PRTG: variants seen among roughly 807,000 people sequenced by gnomAD.
PRTG encodes immunoglobulin superfamily, DCC subclass, member 5.
In PRTG, 67 loss-of-function variants were observed where a neutral mutation model predicts 122.5. The ratio of observed to expected loss-of-function variants is 0.55; its 90% CI spans 0.45 to 0.67. The LOEUF is 0.67. Ranked by LOEUF, PRTG falls within the 30% of genes least tolerant of loss-of-function variation. The pLI is 0.00. For missense variants in PRTG, 1,435 were observed against 1,415.4 expected, an observed-to-expected ratio of 1.01 and a Z score of -0.22; for synonymous variants, 554 against 501.1, an observed-to-expected ratio of 1.11 and a Z score of -1.41.
At chr15:55,705,912 G>C (rs556857107) in intron 2 of PRTG, among the ~76,000 whole-genome samples, 2 of 141,754 alleles carry the variant, frequency 1.4e-5, no homozygotes, top group Non-Finnish European at 3.1e-5. Context: ...CAGTGGCACG[G>C]TCTTGGCTCA....
At chr15:55,648,466 A>G (rs987015292) in intron 11 of PRTG, among the ~76,000 whole-genome samples, 3 of 152,086 alleles carry the variant, frequency 2.0e-5, no homozygotes, top group African/African-American at 4.8e-5. Flanking sequence ...ACACTGAAAC[A>G]TATTTCTAAA....
chr15:55,620,888 T>A (rs1297285685), intron 18 of PRTG, 121 bp from the exon 19 acceptor site: 17 of 868,500 alleles, frequency 2.0e-5, no homozygotes, highest in Admixed American at 6.6e-5. Flanking sequence ...ATTTTTATTT[T>A]ATTTTAGATT....
intron 2 of PRTG, among the ~76,000 whole-genome samples, chr15:55,685,140 T>G (rs2059563173): frequency 6.6e-6 from 1 of 152,150 alleles, no homozygotes; most frequent in Non-Finnish European, 1.5e-5. Flanking sequence ...TGAACTTTAT[T>G]ATTTATAAAT....
chr15:55,727,614 G>A (rs181745876), intron 2 of PRTG, among the ~76,000 whole-genome samples: 1 of 152,200 alleles, frequency 6.6e-6, no homozygotes, highest in Admixed American at 6.5e-5. Flanking sequence ...TAGCTAACAT[G>A]GTGAAACCCC....
intron 6 of PRTG, chr15:55,679,813 T>C (rs1293025780): frequency 2.4e-5 from 12 of 492,326 alleles, no homozygotes; most frequent in African/African-American, 3.9e-5. Context: ...GTGATGGAGA[T>C]AGAAGGGAAG....
At chr15:55,628,363 T>C (rs1026181427) in intron 16 of PRTG, among the ~76,000 whole-genome samples, 2 of 144,576 alleles carry the variant, frequency 1.4e-5, no homozygotes, top group South Asian at 4.7e-4. Flanking sequence ...TTTTTTCCAA[T>C]TGCTTTTCTG....
chr15:55,742,230 T>G (rs1392711251), intron 1 of PRTG: 2 of 152,350 alleles, frequency 1.3e-5, no homozygotes, highest in African/African-American at 4.8e-5. Context: ...CCACTTCACT[T>G]CCAACCCTGC....
At position 55,620,064 on chromosome 15, in the gene PRTG, T is replaced by C. The variant is rs201512301; in HGVS notation, c.3401A>G (p.Asn1134Ser). The C allele has an allele frequency of 4.0e-5, 64 of 1,614,154 alleles. No individual in the cohort carries two copies. The highest frequency in any genetic ancestry group is 1.3e-4 in the Admixed American group (8 of 60,022). Reference sequence around the variant, plus strand: ...AACTGAGGACAGATGTATCTCATCGTTGGACTCATGAGAAAACCGCCCAGA... The same window carrying C: ...AACTGAGGACAGATGTATCTCATCGCTGGACTCATGAGAAAACCGCCCAGA... ...GDSGRFSHES[N>S]DEIHLSSVIS... The change falls in exon 20 of 20, where the codon AAC becomes AGC. Residue 1134 changes from asparagine to serine, a missense_variant. Transcript: ENST00000389286.
intron 11 of PRTG, among the ~76,000 whole-genome samples, chr15:55,669,366 C>G (rs1309898978): frequency 6.6e-6 from 1 of 152,148 alleles, no homozygotes; most frequent in Non-Finnish European, 1.5e-5. Flanking sequence ...CAAGTATTCA[C>G]CATGCAAGAC....
intron 15 of PRTG, 37 bp downstream of exon 15, chr15:55,637,133 G>GT: frequency 7.3e-7 from 1 of 1,369,882 alleles, no homozygotes. Context: ...ATTAATAATC[G>GT]TACTTTTCAC....
At chr15:55,721,476 A>T (rs1165104765) in intron 2 of PRTG, among the ~76,000 whole-genome samples, 1 of 152,170 alleles carries the variant, frequency 6.6e-6, no homozygotes, top group East Asian at 1.9e-4. Flanking sequence ...ATTTCTTTGA[A>T]ATTTATTCTC....
chr15:55,639,573 G>T, intron 13 of PRTG, 69 bp downstream of exon 13: 1 of 1,381,898 alleles, frequency 7.2e-7, no homozygotes, highest in Non-Finnish European at 1.0e-6. Flanking sequence ...AAGATGGTAA[G>T]AGGTAGAAGT....
At chr15:55,739,566 A>C (rs1349918607) in intron 2 of PRTG, among the ~76,000 whole-genome samples, 1 of 152,170 alleles carries the variant, frequency 6.6e-6, no homozygotes, top group Non-Finnish European at 1.5e-5. Context: ...TTAGTCTGTT[A>C]ATCTTGAGAG....
intron 2 of PRTG, among the ~76,000 whole-genome samples, chr15:55,712,172 T>C (rs1243827344): frequency 6.6e-6 from 1 of 152,202 alleles, no homozygotes; most frequent in Non-Finnish European, 1.5e-5. Context: ...TAAGCTCACA[T>C]AGAATCTTTT....
chr15:55,711,217 C>T (rs1286970603), intron 2 of PRTG, among the ~76,000 whole-genome samples: 6 of 151,992 alleles, frequency 3.9e-5, no homozygotes, highest in Non-Finnish European at 7.4e-5. Context: ...CCACTGCGTC[C>T]GGCCTAAAGG....
chr15:55,656,210 G>T (rs950095100), intron 11 of PRTG: 51 of 343,088 alleles, frequency 1.5e-4, no homozygotes, highest in Non-Finnish European at 2.6e-4. Context: ...AAGAATCCAG[G>T]ATTACACGCT....
chr15:55,688,147 G>A (rs1046643793), intron 2 of PRTG, among the ~76,000 whole-genome samples: 3 of 152,178 alleles, frequency 2.0e-5, no homozygotes, highest in African/African-American at 7.2e-5. Flanking sequence ...CCATGGGATC[G>A]AAACTTCTCT....
Position 55,741,891 on chromosome 15 carries a change from T to C in PRTG, c.94+947A>G, listed in dbSNP as rs888874848. ...CTGACTTTGATCCTTTTTTCAAGCC[T>C]AACAGAAACTAACCCCATTGCAGAA... On this transcript the variant is annotated intron_variant, in intron 1 of 19. Transcript: ENST00000389286. Among the ~76,000 whole-genome samples, 9 of 152,290 alleles carry C rather than the reference T, an allele frequency of 5.9e-5. 1 individual carries two copies. The highest frequency in any genetic ancestry group is 3.4e-3 in the Middle Eastern group (1 of 294).
chr15:55,742,617 C>A (rs989327078), intron 1 of PRTG: 3 of 535,426 alleles, frequency 5.6e-6, no homozygotes, highest in Non-Finnish European at 9.6e-6. Flanking sequence ...CGGAGAAGCT[C>A]CCGCAGCCCT....
Sources: allele counts gnomAD v4.1 joint callset (sites outside exome capture counted in the v4.1 genomes callset), GRCh38; gene constraint gnomAD v4.1.1; transcripts MANE v1.5; gene names NCBI Gene and HGNC (gene_info 2026-07-23, HGNC 2026-07-21).